Variants in ARHGAP10 observed in about 807,000 individuals in gnomAD.
ARHGAP10 encodes the protein rho GTPase-activating protein 10.
ARHGAP10 carries 87 observed loss-of-function variants against 108.6 expected under a neutral mutation model. That is an observed-to-expected ratio of 0.80 (90% CI 0.67 to 0.96). ARHGAP10 has a LOEUF of 0.96. Among genes scored for constraint, ARHGAP10 ranks in the 40% least tolerant of loss-of-function variants. ARHGAP10 has a pLI of 0.00. For synonymous variants in ARHGAP10, 347 were observed against 341.1 expected, an observed-to-expected ratio of 1.02 and a Z score of -0.19; for missense variants, 939 against 954.5, an observed-to-expected ratio of 0.98 and a Z score of 0.21.
At position 147,966,782 on chromosome 4, in the gene ARHGAP10, C is replaced by A. The variant is rs1739219344; in HGVS notation, c.1659C>A (p.Leu553=). The A allele has an allele frequency of 6.2e-7, 1 of 1,602,690 alleles. No individual in the cohort carries two copies. The highest frequency in any genetic ancestry group is 2.2e-5 in the East Asian group (1 of 44,714). The change falls in exon 18 of 23, where the codon CTC becomes CTA. Residue 553 remains leucine, a synonymous_variant. Transcript: ENST00000336498. ...CACAGGAAGAAACTGTCGCTGCCCT[C>A]ATGGACTTGAAGTTTCAGAATATTG... ...MRPQEETVAA[L]MDLKFQNIVV...
At chr4:147,909,893 A>G in intron 12 of ARHGAP10, 116 bp downstream of exon 12, 1 of 998,514 alleles carries the variant, frequency 1.0e-6, no homozygotes, top group Non-Finnish European at 1.5e-6. Flanking sequence ...TATTAGACAG[A>G]GGGGTATTAC....
intron 18 of ARHGAP10, among the ~76,000 whole-genome samples, chr4:148,001,655 A>G (rs1392787823): frequency 6.7e-6 from 1 of 150,238 alleles, no homozygotes; most frequent in Non-Finnish European, 1.5e-5. Context: ...GATTCTAGGT[A>G]TTTTATTCTC....
intron 3 of ARHGAP10, among the ~76,000 whole-genome samples, chr4:147,846,744 T>C (rs986593365): frequency 3.9e-5 from 6 of 152,242 alleles, no homozygotes; most frequent in African/African-American, 1.4e-4. Flanking sequence ...CCTAGTTCTT[T>C]ACATAATGTA....
chr4:147,900,341 T>G (rs1736189122), intron 10 of ARHGAP10, among the ~76,000 whole-genome samples: 1 of 152,218 alleles, frequency 6.6e-6, no homozygotes, highest in Non-Finnish European at 1.5e-5. Flanking sequence ...AATTTATGAA[T>G]TTAAGAACTT....
At chr4:147,957,516 C>T (rs1738829571) in intron 16 of ARHGAP10, among the ~76,000 whole-genome samples, 1 of 152,180 alleles carries the variant, frequency 6.6e-6, no homozygotes, top group Non-Finnish European at 1.5e-5. Flanking sequence ...AGTGACACAG[C>T]TTACCTGGTT....
intron 1 of ARHGAP10, among the ~76,000 whole-genome samples, chr4:147,788,179 G>A (rs975839978): frequency 5.3e-5 from 8 of 152,038 alleles, no homozygotes; most frequent in Non-Finnish European, 1.0e-4. Flanking sequence ...AGGCATGGTG[G>A]CTTGCACGTG....
At chr4:147,804,382 T>A (rs1731698121) in intron 1 of ARHGAP10, among the ~76,000 whole-genome samples, 1 of 152,230 alleles carries the variant, frequency 6.6e-6, no homozygotes, top group Non-Finnish European at 1.5e-5. Flanking sequence ...TGTACCACAT[T>A]TTCTTTATCC....
In ARHGAP10 at chr4:147,857,579, G is replaced by A. The variant is rs201761277; in HGVS notation, c.411G>A (p.Glu137=). 8 of 1,478,952 alleles carry A rather than the reference G, an allele frequency of 5.4e-6. No individual in the cohort carries two copies. The African/African-American group carries it at 8.7e-5, about 16-fold the overall frequency. The allele number at this position is 1,478,952 out of a possible 1,614,324, so 91.6% of individuals were successfully genotyped here. The change falls in exon 5 of 23, where the codon GAG becomes GAA. Residue 137 remains glutamate (E), a synonymous_variant. Transcript: ENST00000336498. ...VKEEKKKFDK[E]TEKNYSLIDK... is the part of the protein sequence containing the mutation. Reference sequence around the variant, plus strand: ...AAGAAAAAAAGAAGTTTGACAAAGAGACAGAAAAGAATTATAGTCTAATTG... The same window carrying A: ...AAGAAAAAAAGAAGTTTGACAAAGAAACAGAAAAGAATTATAGTCTAATTG...
At chr4:147,976,467 T>TC (rs1201546062) in intron 18 of ARHGAP10, among the ~76,000 whole-genome samples, 2 of 151,546 alleles carry the variant, frequency 1.3e-5, no homozygotes, top group East Asian at 1.9e-4. Context: ...ATTTTCAGAC[T>TC]CCCCCCCATC....
chr4:147,858,287 A>G (rs1468596248), intron 5 of ARHGAP10: 14 of 152,216 alleles, frequency 9.2e-5, no homozygotes, highest in Admixed American at 9.2e-4. Context: ...AAATGCTTTT[A>G]TTAAAAATAA....
At chr4:148,018,532 G>C (rs1741435096) in intron 18 of ARHGAP10, among the ~76,000 whole-genome samples, 1 of 151,302 alleles carries the variant, frequency 6.6e-6, no homozygotes, top group African/African-American at 2.4e-5. Context: ...AGTCATTCCT[G>C]GTGTTTCAGA....
chr4:148,023,504 T>C (rs1741653404), intron 19 of ARHGAP10, 91 bp downstream of exon 19: 5 of 1,316,038 alleles, frequency 3.8e-6, no homozygotes, highest in Admixed American at 2.5e-5. Context: ...TTCTGTCATC[T>C]GTGTTTTAAT....
Position 147,804,110 on chromosome 4 carries a change from A to G in ARHGAP10, c.155-18617A>G, listed in dbSNP as rs572904571. On this transcript the variant is annotated intron_variant, in intron 1 of 22. Transcript: ENST00000336498. ...TTATTTTGTCATCCAGGTAATAAGC[A>G]TGGTACCCAATAGGTAGTTTGTTTT... Among the ~76,000 whole-genome samples, 24 of 151,784 alleles carry G rather than the reference A, an allele frequency of 1.6e-4. No homozygotes were observed. In the South Asian group the frequency reaches 1.9e-3, roughly 12 times the overall value.
At chr4:147,907,503 G>GA (rs1191167256) in intron 11 of ARHGAP10, among the ~76,000 whole-genome samples, 3 of 150,682 alleles carry the variant, frequency 2.0e-5, no homozygotes, top group Admixed American at 6.6e-5. Context: ...ATTGTTGAGG[G>GA]AAAAAAAAAG....
intron 7 of ARHGAP10, among the ~76,000 whole-genome samples, chr4:147,869,493 C>T (rs1056357049): frequency 1.3e-5 from 2 of 152,052 alleles, no homozygotes; most frequent in African/African-American, 2.4e-5. Flanking sequence ...CACAAAATGA[C>T]CTGATTGGAA....
intron 5 of ARHGAP10, among the ~76,000 whole-genome samples, chr4:147,859,837 T>G (rs539338664): frequency 6.6e-6 from 1 of 152,226 alleles, no homozygotes; most frequent in African/African-American, 2.4e-5. Flanking sequence ...CATGAAGAGA[T>G]CCTAACGATG....
chr4:147,783,888 T>C (rs1431092668), intron 1 of ARHGAP10, among the ~76,000 whole-genome samples: 1 of 108,642 alleles, frequency 9.2e-6, no homozygotes, highest in Non-Finnish European at 1.7e-5. Context: ...ACACATTAAA[T>C]TGTGTATTAT....
chr4:147,855,321 A>G (rs995260794), intron 4 of ARHGAP10, among the ~76,000 whole-genome samples: 1 of 152,204 alleles, frequency 6.6e-6, no homozygotes, highest in African/African-American at 2.4e-5. Context: ...AATAGTGGAC[A>G]TTTTTAGGTA....
At chr4:147,966,603 C>T (rs1276430716) in intron 17 of ARHGAP10, 77 bp from the exon 18 acceptor site, 14 of 1,315,954 alleles carry the variant, frequency 1.1e-5, no homozygotes, top group Non-Finnish European at 1.4e-5. Context: ...TAAGGAAATA[C>T]AGAGTTGCAG....
Sources: allele counts gnomAD v4.1 joint callset (sites outside exome capture counted in the v4.1 genomes callset), GRCh38; gene constraint gnomAD v4.1.1; transcripts MANE v1.5; gene names NCBI Gene and HGNC (gene_info 2026-07-23, HGNC 2026-07-21).